The following ZNF407 variants were observed in gnomAD, a reference collection of about 807,000 sequenced individuals.
The protein encoded by ZNF407 is zinc finger protein 407.
In ZNF407, 17 loss-of-function variants were observed where a neutral mutation model predicts 131.2. That is an observed-to-expected ratio of 0.13 (90% confidence interval 0.09 to 0.19). ZNF407 has a LOEUF of 0.19. Among genes scored for constraint, ZNF407 ranks in the 10% least tolerant of loss-of-function variants. The pLI, the probability that ZNF407 is intolerant of heterozygous loss-of-function variation, is 1.00. For synonymous variants in ZNF407, 1,156 were observed against 1,062.0 expected (o/e 1.09, Z -1.72); for missense variants, 2,681 against 2,830.6 (o/e 0.95, Z 1.20).
intron 4 of ZNF407, among the ~76,000 whole-genome samples, chr18:74,873,469 T>C (rs550163113): frequency 5.9e-5 from 9 of 152,232 alleles, no homozygotes; most frequent in African/African-American, 1.7e-4. Context: ...AGGGTGCTAA[T>C]GAAAAAAACA....
chr18:74,608,597 T>G (rs1982914070), intron 1 of ZNF407, among the ~76,000 whole-genome samples: 1 of 152,224 alleles, frequency 6.6e-6, no homozygotes, highest in Admixed American at 6.5e-5. Context: ...TCCGCCTGCC[T>G]TGGCCTCTCA....
At chr18:74,888,916 C>T (rs1190369720) in intron 6 of ZNF407, among the ~76,000 whole-genome samples, 2 of 152,170 alleles carry the variant, frequency 1.3e-5, no homozygotes, top group Admixed American at 6.6e-5. Context: ...TTGATAAGCA[C>T]GTTCACACAC....
At chr18:74,847,164 T>C (rs1478904716) in intron 4 of ZNF407, among the ~76,000 whole-genome samples, 1 of 152,156 alleles carries the variant, frequency 6.6e-6, no homozygotes, top group Non-Finnish European at 1.5e-5. Flanking sequence ...TTTACATGCT[T>C]TAGTAAGAAT....
chr18:74,645,849 G>A (rs1178510533), intron 3 of ZNF407, among the ~76,000 whole-genome samples: 1 of 152,096 alleles, frequency 6.6e-6, no homozygotes, highest in Non-Finnish European at 1.5e-5. Context: ...TGCCTGTCAT[G>A]TTTTCAACAA....
At chr18:74,840,955 T>A (rs964950148) in intron 4 of ZNF407, among the ~76,000 whole-genome samples, 4 of 152,196 alleles carry the variant, frequency 2.6e-5, no homozygotes, top group Non-Finnish European at 5.9e-5. Flanking sequence ...AACACATGAC[T>A]CATTTGCGCA....
intron 3 of ZNF407, among the ~76,000 whole-genome samples, chr18:74,740,466 A>G (rs1315178188): frequency 6.6e-6 from 1 of 152,210 alleles, no homozygotes; most frequent in Admixed American, 6.5e-5. Context: ...CATTCAGCAC[A>G]GTACATATGT....
intron 8 of ZNF407, among the ~76,000 whole-genome samples, chr18:75,053,841 G>A (rs777124045): frequency 6.6e-6 from 1 of 152,212 alleles, no homozygotes; most frequent in Admixed American, 6.5e-5. Flanking sequence ...AGGACTGAGG[G>A]CCATCGTCCC....
intron 4 of ZNF407, among the ~76,000 whole-genome samples, chr18:74,830,410 GT>G (rs1394911072): frequency 1.3e-5 from 2 of 152,114 alleles, no homozygotes; most frequent in African/African-American, 4.8e-5. Context: ...AGCCCCCTGA[GT>G]AGCTGTGACT....
intron 8 of ZNF407, among the ~76,000 whole-genome samples, chr18:74,989,918 A>T (rs1972698716): frequency 6.6e-6 from 1 of 152,160 alleles, no homozygotes. Context: ...AATTATTTAT[A>T]TACTTTTCAT....
chr18:74,919,933 A>T (rs1971823956), intron 7 of ZNF407, among the ~76,000 whole-genome samples: 1 of 152,114 alleles, frequency 6.6e-6, no homozygotes, highest in African/African-American at 2.4e-5. Context: ...TGCATTTTCC[A>T]TGCCATCACT....
chr18:74,996,177 G>A (rs1468950238), intron 8 of ZNF407, among the ~76,000 whole-genome samples: 1 of 152,114 alleles, frequency 6.6e-6, no homozygotes, highest in Non-Finnish European at 1.5e-5. Flanking sequence ...AACAGAGAAG[G>A]CAGCTTCCGT....
At chr18:74,656,213 G>A (rs560163276) in intron 3 of ZNF407, among the ~76,000 whole-genome samples, 1 of 152,058 alleles carries the variant, frequency 6.6e-6, no homozygotes, top group East Asian at 1.9e-4. Context: ...GTGAATCAAA[G>A]GACTTACAAT....
chr18:75,002,136 T>C (rs1356729050), intron 8 of ZNF407, among the ~76,000 whole-genome samples: 2 of 152,192 alleles, frequency 1.3e-5, no homozygotes, highest in African/African-American at 4.8e-5. Flanking sequence ...CTTCTTCCCA[T>C]TTTTCTCCTA....
At chr18:74,655,516 C>T (rs1985412830) in intron 3 of ZNF407, among the ~76,000 whole-genome samples, 2 of 151,896 alleles carry the variant, frequency 1.3e-5, no homozygotes, top group African/African-American at 4.8e-5. Context: ...TGATAAGTAC[C>T]AGTATTGACT....
intron 8 of ZNF407, among the ~76,000 whole-genome samples, chr18:75,052,263 C>G (rs1339683356): frequency 6.6e-6 from 1 of 152,172 alleles, no homozygotes. Context: ...AATAATTAGC[C>G]TATTATGCCC....
chr18:74,671,823 A>G (rs534556909), intron 3 of ZNF407, among the ~76,000 whole-genome samples: 24 of 152,318 alleles, frequency 1.6e-4, no homozygotes, highest in African/African-American at 5.8e-4. Flanking sequence ...TGCCTCCCAC[A>G]GACAGTGTGC....
intron 3 of ZNF407, among the ~76,000 whole-genome samples, chr18:74,646,342 A>C (rs1276520040): frequency 6.6e-6 from 1 of 152,226 alleles, no homozygotes; most frequent in Non-Finnish European, 1.5e-5. Flanking sequence ...TATAGATAGG[A>C]AATGTTTATT....
intron 3 of ZNF407, among the ~76,000 whole-genome samples, chr18:74,699,204 C>A (rs1378332131): frequency 6.6e-6 from 1 of 152,042 alleles, no homozygotes; most frequent in Non-Finnish European, 1.5e-5. Context: ...TATTTCATTG[C>A]AAAGATAAGA....
chr18:74,720,838 CTGTG>C (rs756379906), intron 3 of ZNF407, among the ~76,000 whole-genome samples: 7 of 151,090 alleles, frequency 4.6e-5, no homozygotes, highest in Non-Finnish European at 1.0e-4. Context: ...TTCCATTGGT[CTGTG>C]TGTCTGTTTT....
Sources: allele counts gnomAD v4.1 joint callset (sites outside exome capture counted in the v4.1 genomes callset), GRCh38; gene constraint gnomAD v4.1.1; transcripts MANE v1.5; gene names NCBI Gene and HGNC (gene_info 2026-07-23, HGNC 2026-07-21).